Variants in RGL1 observed in about 807,000 individuals in gnomAD.
RGL1 encodes ral guanine nucleotide dissociation stimulator like 1, also known as ral guanine nucleotide dissociation stimulator-like 1.
A neutral mutation model predicts 95.2 loss-of-function variants in RGL1; 24 were observed. The ratio of observed to expected loss-of-function variants is 0.25; its 90% confidence interval spans 0.18 to 0.35. The LOEUF (loss-of-function observed/expected upper bound fraction) is 0.35, where lower values mean the gene tolerates loss of function less well. Ranked by LOEUF, RGL1 falls within the 10% of genes least tolerant of loss-of-function variation. The probability of loss-of-function intolerance (pLI) is 1.00; values close to 1 mark genes in which losing one functional copy is unlikely to be tolerated. For missense variants in RGL1, 715 were observed against 936.3 expected, an observed-to-expected ratio of 0.76 and a Z score of 3.08; for synonymous variants, 329 against 344.9, an observed-to-expected ratio of 0.95 and a Z score of 0.51.
intron 8 of RGL1, among the ~76,000 whole-genome samples, chr1:183,891,448 C>T (rs1667409812): frequency 6.6e-6 from 1 of 152,132 alleles, no homozygotes; most frequent in African/African-American, 2.4e-5. Flanking sequence ...AACATTGAAG[C>T]TCAGGAAAGT....
At chr1:183,639,058 T>C (rs1003861705) in intron 1 of RGL1, among the ~76,000 whole-genome samples, 2 of 152,170 alleles carry the variant, frequency 1.3e-5, no homozygotes, top group Non-Finnish European at 2.9e-5. Context: ...GACGGGCAGA[T>C]CACTTGAGGT....
chr1:183,793,289 AATGG>A (rs1660525018), intron 2 of RGL1, among the ~76,000 whole-genome samples: 1 of 152,194 alleles, frequency 6.6e-6, no homozygotes, highest in South Asian at 2.1e-4. Flanking sequence ...ATCAACTTCA[AATGG>A]ATTAAAGACT....
chr1:183,872,492 T>A (rs997780985), intron 4 of RGL1, among the ~76,000 whole-genome samples: 14 of 152,240 alleles, frequency 9.2e-5, no homozygotes, highest in African/African-American at 3.1e-4. Flanking sequence ...CTCTCTACCA[T>A]AGTACTACTT....
intron 1 of RGL1, among the ~76,000 whole-genome samples, chr1:183,643,592 G>A (rs1376860515): frequency 2.6e-5 from 4 of 151,850 alleles, no homozygotes; most frequent in African/African-American, 9.7e-5. Context: ...CGCCCGGCCC[G>A]AGGTCCTGTT....
At chr1:183,736,210 A>G (rs975886306) in intron 1 of RGL1, among the ~76,000 whole-genome samples, 2 of 152,222 alleles carry the variant, frequency 1.3e-5, no homozygotes, top group Non-Finnish European at 1.5e-5. Context: ...AATAAGTACA[A>G]TACGTGAGTG....
At chr1:183,856,797 A>G (rs3002650) in intron 3 of RGL1, among the ~76,000 whole-genome samples, 52,546 of 151,854 alleles carry the variant, frequency 0.35, 9,428 homozygotes, top group East Asian at 0.49. Flanking sequence ...ATCTTTGGGT[A>G]TGAAAATGGT....
At chr1:183,868,325 T>A (rs780824028) in intron 4 of RGL1, among the ~76,000 whole-genome samples, 5 of 152,218 alleles carry the variant, frequency 3.3e-5, no homozygotes, top group Non-Finnish European at 5.9e-5. Flanking sequence ...GTTTGGACTT[T>A]CCCTGGTAAG....
At chr1:183,870,749 C>T (rs1666136043) in intron 4 of RGL1, among the ~76,000 whole-genome samples, 1 of 152,112 alleles carries the variant, frequency 6.6e-6, no homozygotes, top group Non-Finnish European at 1.5e-5. Flanking sequence ...GGCTCTAGTT[C>T]TCAAGTGAAA....
At chr1:183,652,926 A>G (rs1254555890) in intron 1 of RGL1, 1 of 152,218 alleles carries the variant, frequency 6.6e-6, no homozygotes, top group Non-Finnish European at 1.5e-5. Context: ...CATAAGGACA[A>G]TCTGCTCTCA....
At chr1:183,856,614 C>A (rs1019485743) in intron 3 of RGL1, among the ~76,000 whole-genome samples, 2 of 149,484 alleles carry the variant, frequency 1.3e-5, no homozygotes, top group Non-Finnish European at 3.0e-5. Context: ...TTATTATTTT[C>A]TCCCTGTAAA....
intron 1 of RGL1, among the ~76,000 whole-genome samples, chr1:183,682,990 C>A (rs71431586): frequency 6.7e-6 from 1 of 149,878 alleles, no homozygotes; most frequent in Non-Finnish European, 1.5e-5. Flanking sequence ...AGGATTGCAA[C>A]CCCTTCTTTT....
chr1:183,648,090 G>A, intron 1 of RGL1: 1 of 1,614,184 alleles, frequency 6.2e-7, no homozygotes, highest in Non-Finnish European at 8.5e-7. Flanking sequence ...GCCTGTTATG[G>A]CATTGATTTC....
chr1:183,756,287 C>G (rs143152107), intron 2 of RGL1, among the ~76,000 whole-genome samples: 104 of 151,664 alleles, frequency 6.9e-4, no homozygotes, highest in Non-Finnish European at 1.4e-3. Context: ...AAGGTAGAAA[C>G]TAGCCTGGCA....
At chr1:183,685,554 T>C (rs11802816) in intron 1 of RGL1, among the ~76,000 whole-genome samples, 12,316 of 152,222 alleles carry the variant, frequency 0.081, 915 homozygotes, top group African/African-American at 0.2. Context: ...GTATGTAATA[T>C]TAAAAACTAC....
At chr1:183,863,204 G>C (rs566392150) in intron 3 of RGL1, among the ~76,000 whole-genome samples, 90 of 152,146 alleles carry the variant, frequency 5.9e-4, no homozygotes, top group Admixed American at 4.7e-3. Context: ...GTGGGAGGAG[G>C]TCTCTGCAGA....
intron 1 of RGL1, among the ~76,000 whole-genome samples, chr1:183,713,064 C>T (rs1290166575): frequency 1.3e-5 from 2 of 152,086 alleles, no homozygotes; most frequent in African/African-American, 2.4e-5. Flanking sequence ...CTCCCTCTCT[C>T]GCCCAGGCTG....
chr1:183,652,381 G>T (rs1237912509), intron 1 of RGL1, among the ~76,000 whole-genome samples: 1 of 152,176 alleles, frequency 6.6e-6, no homozygotes, highest in Non-Finnish European at 1.5e-5. Flanking sequence ...CATTCTTGCT[G>T]ACAACTTTTC....
chr1:183,830,599 G>A (rs959637785), intron 2 of RGL1, among the ~76,000 whole-genome samples: 2 of 152,012 alleles, frequency 1.3e-5, no homozygotes, highest in African/African-American at 4.8e-5. Flanking sequence ...AACAATAAGA[G>A]CAATGTCAGC....
chr1:183,693,929 A>G lies in RGL1; in HGVS notation c.-32-48197A>G, dbSNP rs143330971. Among the ~76,000 whole-genome samples the G allele has an allele frequency of 2.9e-4, 44 of 152,156 alleles. No homozygotes were observed. In the East Asian group the frequency reaches 8.3e-3, roughly 29 times the overall value. Reference sequence around the variant, plus strand: ...TCTTTGGATTGGACTTCCCAGGATTACTCTGTCCCTTTGAAAAAATATATT... The same window carrying G: ...TCTTTGGATTGGACTTCCCAGGATTGCTCTGTCCCTTTGAAAAAATATATT... On this transcript the variant is annotated intron_variant, in intron 1 of 18. Transcript: ENST00000304685.
Sources: allele counts gnomAD v4.1 joint callset (sites outside exome capture counted in the v4.1 genomes callset), GRCh38; gene constraint gnomAD v4.1.1; transcripts MANE v1.5; gene names NCBI Gene and HGNC (gene_info 2026-07-23, HGNC 2026-07-21).